NT5C2: variants seen among roughly 807,000 people sequenced by gnomAD.
NT5C2 encodes 5'-nucleotidase, cytosolic II.
A neutral mutation model predicts 76.1 loss-of-function variants in NT5C2; 58 were observed. The ratio of observed to expected loss-of-function variants is 0.76; its 90% confidence interval spans 0.62 to 0.95. The LOEUF is 0.95. Ranked by LOEUF, NT5C2 falls within the 40% of genes least tolerant of loss-of-function variation. NT5C2 has a pLI of 0.00. For missense variants in NT5C2, 478 were observed against 690.3 expected (o/e 0.69, Z 3.45); for synonymous variants, 229 against 237.4 (o/e 0.96, Z 0.32).
Position 103,164,548 on chromosome 10 carries a change from G to A in NT5C2, c.101+10310C>T, listed in dbSNP as rs540455489. The stretch of plus-strand genomic sequence containing the variant: ...TGGGATTACAGGCATGCACCACCGC[G>A]CCCGGCCAAAAACAATGTTTTTAGT... On this transcript the variant is annotated intron_variant, in intron 3 of 18. Transcript: ENST00000404739. 1.4e-3 allele frequency among the ~76,000 whole-genome samples: 219 copies of A among 152,122 alleles called. 1 individual carries two copies. The highest frequency in any genetic ancestry group is 1.7e-3 in the Non-Finnish European group (113 of 67,998).
chr10:103,097,473 G>A (rs1338120926), intron 10 of NT5C2, 99 bp from the exon 11 acceptor site: 3 of 1,001,946 alleles, frequency 3.0e-6, no homozygotes, highest in African/African-American at 3.2e-5. Context: ...CAGGAATGGG[G>A]GAACCTTTTA....
At chr10:103,105,482 G>A (rs796618410) in intron 6 of NT5C2, 26 of 572,028 alleles carry the variant, frequency 4.5e-5, no homozygotes, top group African/African-American at 4.3e-4. Context: ...GTTGTATGCT[G>A]TATAATTGGA....
chr10:103,114,501 A>C (rs535204432), intron 4 of NT5C2, among the ~76,000 whole-genome samples: 1 of 152,352 alleles, frequency 6.6e-6, no homozygotes, highest in Non-Finnish European at 1.5e-5. Flanking sequence ...TCTGTGGTCT[A>C]AGTTGGGTCC....
rs3736923 is a variant in NT5C2 at position 103,090,812 on chromosome 10, C to A, written c.1273-25G>T. On this transcript the variant is annotated intron_variant, in intron 17 of 18. Transcript: ENST00000404739. ...TCTAAAACAAAGAACAAGATTGATT[C>A]TTGGCTCATTCAACAAATATTTATT... 11 of 1,611,646 alleles carry A rather than the reference C, an allele frequency of 6.8e-6. No individual in the cohort carries two copies. In the African/African-American group the frequency reaches 1.2e-4, roughly 18 times the overall value.
rs1017121969 is a variant in NT5C2 at position 103,126,728 on chromosome 10, A to C, written c.175+12678T>G. Among the ~76,000 whole-genome samples, 70 of 152,344 alleles carry C rather than the reference A, an allele frequency of 4.6e-4. 1 individual carries two copies. The highest frequency in any genetic ancestry group is 1.6e-3 in the African/African-American group (68 of 41,584). ...ATTCTAAACATGACTTTCATATATA[A>C]ACTCATCTGTACTCGACAGACAAAC... is the stretch of plus-strand genomic sequence containing the variant. On this transcript the variant is annotated intron_variant, in intron 4 of 18. Coordinates refer to ENST00000404739, the MANE Select transcript of NT5C2 (RefSeq NM_001351169.2).
chr10:103,099,317 C>G (rs966523985), intron 9 of NT5C2, among the ~76,000 whole-genome samples: 3 of 152,250 alleles, frequency 2.0e-5, no homozygotes, highest in Middle Eastern at 3.4e-3. Flanking sequence ...TCAAGCAATC[C>G]ACCTGCCTTG....
At chr10:103,094,585 T>TA in intron 12 of NT5C2, 130 bp from the exon 13 acceptor site, 1 of 642,908 alleles carries the variant, frequency 1.6e-6, no homozygotes, top group Admixed American at 2.5e-5. Context: ...TTTTATTTTT[T>TA]AAAAAGGTAT....
At chr10:103,147,865 G>A (rs1353935751) in intron 3 of NT5C2, among the ~76,000 whole-genome samples, 1 of 152,120 alleles carries the variant, frequency 6.6e-6, no homozygotes, top group Non-Finnish European at 1.5e-5. Flanking sequence ...GTTTCTTGTG[G>A]GGGTAATGAA....
chr10:103,094,287 TG>T, intron 13 of NT5C2, 60 bp downstream of exon 13: 1 of 1,086,848 alleles, frequency 9.2e-7, no homozygotes, highest in Non-Finnish European at 1.4e-6. Context: ...AGAGTAAGAG[TG>T]GGGGAAGGAG....
rs117026055 is a variant in NT5C2 at position 103,143,899 on chromosome 10, G to A, written c.102-4420C>T. ...GAGCCCAAGAGGTCAAGGCTGCAGC[G>A]AACTGAGATCGTGCCACTGCATTCT... On this transcript the variant is annotated intron_variant, in intron 3 of 18. Transcript: ENST00000404739. Among the ~76,000 whole-genome samples the A allele has an allele frequency of 4.9e-3, 738 of 152,084 alleles. 21 individuals carry two copies. The East Asian group carries it at 0.073, about 15-fold the overall frequency.
At chr10:103,123,585 A>G (rs1473129375) in intron 4 of NT5C2, among the ~76,000 whole-genome samples, 1 of 152,224 alleles carries the variant, frequency 6.6e-6, no homozygotes, top group Non-Finnish European at 1.5e-5. Context: ...GGTACATTGT[A>G]CATAAAGTAC....
intron 3 of NT5C2, among the ~76,000 whole-genome samples, chr10:103,166,111 A>G (rs1461179107): frequency 6.6e-6 from 1 of 152,254 alleles, no homozygotes; most frequent in East Asian, 1.9e-4. Flanking sequence ...CCATATAGAA[A>G]AATATCACAA....
At chr10:103,136,033 G>A (rs2079143741) in intron 4 of NT5C2, among the ~76,000 whole-genome samples, 1 of 152,172 alleles carries the variant, frequency 6.6e-6, no homozygotes, top group Non-Finnish European at 1.5e-5. Flanking sequence ...GTTGCAGTGA[G>A]CCAGGATTGC....
At chr10:103,132,902 GAA>G in intron 4 of NT5C2, among the ~76,000 whole-genome samples, 1 of 152,104 alleles carries the variant, frequency 6.6e-6, no homozygotes, top group East Asian at 1.9e-4. Flanking sequence ...AAAAAAGAAT[GAA>G]CTACTTACTG....
In NT5C2 at chr10:103,106,455, C is replaced by A. The variant is rs550215336; in HGVS notation, c.293+134G>T. 1.4e-5 allele frequency: 9 copies of A among 656,938 alleles called. No homozygotes were observed. In the South Asian group the frequency reaches 1.7e-4, roughly 12 times the overall value. 40.7% of individuals were successfully genotyped at this position (656,938 alleles called of 1,614,324 possible). A position where few individuals can be genotyped will look rare whatever the true frequency, so the allele number is the denominator to read the frequency against. The stretch of plus-strand genomic sequence containing the variant: ...TAATTTTAGAATCAACATCAACCAA[C>A]CAAAAAAACAACAAAGAATTATTCA... On this transcript the variant is annotated intron_variant, in intron 5 of 18. Coordinates refer to ENST00000404739, the MANE Select transcript of NT5C2 (RefSeq NM_001351169.2).
intron 3 of NT5C2, among the ~76,000 whole-genome samples, chr10:103,143,156 A>G (rs1002960289): frequency 1.3e-5 from 2 of 152,176 alleles, no homozygotes; most frequent in Non-Finnish European, 2.9e-5. Context: ...CTTTGTCTTC[A>G]TTTCATAAGT....
chr10:103,162,780 A>T (rs902468203), intron 3 of NT5C2, among the ~76,000 whole-genome samples: 2 of 152,228 alleles, frequency 1.3e-5, no homozygotes, highest in Non-Finnish European at 2.9e-5. Flanking sequence ...TATTTTTTTC[A>T]ACTAAAAATT....
intron 11 of NT5C2, among the ~76,000 whole-genome samples, 181 bp from the exon 12 acceptor site, chr10:103,096,161 T>C (rs2068103594): frequency 6.6e-6 from 1 of 152,122 alleles, no homozygotes; most frequent in Admixed American, 6.5e-5. Flanking sequence ...CTTTACCATA[T>C]ACCAAAAAGA....
intron 4 of NT5C2, among the ~76,000 whole-genome samples, chr10:103,134,257 C>T (rs2078765870): frequency 6.6e-6 from 1 of 151,936 alleles, no homozygotes; most frequent in Non-Finnish European, 1.5e-5. Context: ...TAGCCCCTTC[C>T]ACCACAGGCC....
Sources: allele counts gnomAD v4.1 joint callset (sites outside exome capture counted in the v4.1 genomes callset), GRCh38; gene constraint gnomAD v4.1.1; transcripts MANE v1.5; gene names NCBI Gene and HGNC (gene_info 2026-07-23, HGNC 2026-07-21).